Variants in RARB observed in about 807,000 individuals in gnomAD.
RARB encodes HBV-activated protein.
A neutral mutation model predicts 51.9 loss-of-function variants in RARB; 17 were observed. The ratio of observed to expected loss-of-function variants is 0.33; its 90% CI spans 0.22 to 0.49. The LOEUF (loss-of-function observed/expected upper bound fraction) is 0.49, where lower values mean the gene tolerates loss of function less well. Ranked by LOEUF, RARB falls within the 20% of genes least tolerant of loss-of-function variation. The pLI, the probability that RARB is intolerant of heterozygous loss-of-function variation, is 0.99. For synonymous variants in RARB, 215 were observed against 195.4 expected (o/e 1.10, Z -0.84); for missense variants, 369 against 550.8 (o/e 0.67, Z 3.30).
intron 2 of RARB, among the ~76,000 whole-genome samples, chr3:24,912,478 A>G (rs1454724099): frequency 1.3e-5 from 2 of 152,180 alleles, no homozygotes; most frequent in South Asian, 2.1e-4. Context: ...TCTTCCAGAT[A>G]TAAGATGAAT....
chr3:25,428,696 T>C lies in RARB; in HGVS notation c.-36T>C. 6.3e-7 allele frequency: 1 copy of C among 1,586,602 alleles called. No individual in the cohort carries two copies. Among genetic ancestry groups the C allele is most frequent in the Non-Finnish European group, 8.6e-7 (1 of 1,159,012 alleles). ...GCCATTTGCCTCCACACCTAGAGGA[T>C]AAGCACTTTTGCAGACATTCAGTGC... On this transcript the variant is annotated 5_prime_UTR_variant, in exon 1 of 8. It removes the in-frame stop codon of an upstream open reading frame in the 5' UTR. Transcript: ENST00000330688.
At chr3:25,424,414 C>T (rs1034665024), upstream of RARB, among the ~76,000 whole-genome samples, 3 of 152,220 alleles carry the variant, frequency 2.0e-5, no homozygotes, top group African/African-American at 4.8e-5. Context: ...AGTATGGAAG[C>T]CCTGGGAAGA....
intron 3 of RARB, among the ~76,000 whole-genome samples, chr3:25,121,796 C>G (rs1346154820): frequency 1.3e-5 from 2 of 152,254 alleles, no homozygotes; most frequent in East Asian, 1.9e-4. Flanking sequence ...ATCTATTGAA[C>G]AGTCAACTCC....
intron 5 of RARB, among the ~76,000 whole-genome samples, chr3:25,344,791 A>G (rs1318850992): frequency 6.6e-6 from 1 of 152,200 alleles, no homozygotes; most frequent in African/African-American, 2.4e-5. Flanking sequence ...CTATATAACT[A>G]TAAAAGCTTT....
At chr3:25,494,921 T>A (rs543420324) in intron 2 of RARB, among the ~76,000 whole-genome samples, 1 of 152,384 alleles carries the variant, frequency 6.6e-6, no homozygotes, top group South Asian at 2.1e-4. Context: ...GTGGCCAGAC[T>A]GTGCTAACAC....
At chr3:24,855,898 C>G (rs1702627852) in intron 1 of RARB, among the ~76,000 whole-genome samples, 1 of 151,886 alleles carries the variant, frequency 6.6e-6, no homozygotes, top group Non-Finnish European at 1.5e-5. Context: ...ACTACAGGCC[C>G]CCACCACCAC....
At position 24,953,748 on chromosome 3, in the gene RARB, C is replaced by T. The variant is rs151298025; in HGVS notation, c.-380+94996C>T. Among the ~76,000 whole-genome samples the T allele has an allele frequency of 4.2e-3, 632 of 152,212 alleles. 5 individuals are homozygous for T. Among genetic ancestry groups the T allele is most frequent in the African/African-American group, 0.014 (600 of 41,528 alleles). On this transcript the variant is annotated intron_variant, in intron 2 of 11. Transcript: ENST00000383772. ...CAAATCAAAAATAGAACTCTCTTTA[C>T]TCCCACCTCATATACGTTCCCCTAC...
chr3:25,565,929 A>G (rs1405908262), intron 3 of RARB, among the ~76,000 whole-genome samples: 1 of 152,072 alleles, frequency 6.6e-6, no homozygotes, highest in African/African-American at 2.4e-5. Flanking sequence ...TAAGTGGTGG[A>G]GCTAGCACTA....
intron 2 of RARB, among the ~76,000 whole-genome samples, chr3:24,921,272 A>G (rs940592561): frequency 6.6e-6 from 1 of 152,136 alleles, no homozygotes; most frequent in African/African-American, 2.4e-5. Context: ...ACTGTGCTAC[A>G]TACTTTTATT....
intron 2 of RARB, among the ~76,000 whole-genome samples, chr3:25,485,355 T>C (rs114460114): frequency 0.013 from 1,909 of 152,322 alleles, 43 homozygotes; most frequent in African/African-American, 0.043. Context: ...GAAAAACACA[T>C]TGAGTGGTTA....
chr3:25,260,603 CA>C (rs1702975161), intron 5 of RARB, among the ~76,000 whole-genome samples: 2 of 152,094 alleles, frequency 1.3e-5, no homozygotes, highest in Admixed American at 6.6e-5. Flanking sequence ...AACCCAACCC[CA>C]ACCCAGCTCT....
chr3:25,103,916 T>G (rs946850324), intron 3 of RARB, among the ~76,000 whole-genome samples: 1 of 152,164 alleles, frequency 6.6e-6, no homozygotes, highest in Non-Finnish European at 1.5e-5. Flanking sequence ...TGGAAGAGAT[T>G]GTGTGATTAT....
intron 2 of RARB, among the ~76,000 whole-genome samples, chr3:24,901,847 G>T (rs116266233): frequency 0.025 from 3,816 of 152,100 alleles, 79 homozygotes; most frequent in Middle Eastern, 0.075. Context: ...ACATCTTATT[G>T]AGCATTTACT....
intron 2 of RARB, among the ~76,000 whole-genome samples, chr3:24,997,376 T>C (rs1045239018): frequency 1.3e-5 from 2 of 152,022 alleles, no homozygotes; most frequent in Non-Finnish European, 1.5e-5. Flanking sequence ...CGGCCTCAAG[T>C]TGGGTCTTTT....
intron 5 of RARB, among the ~76,000 whole-genome samples, chr3:25,306,064 G>T (rs322688): frequency 1.4e-4 from 21 of 152,038 alleles, no homozygotes; most frequent in African/African-American, 5.1e-4. Flanking sequence ...CCTGTCCTCC[G>T]CTGTATTATA....
intron 3 of RARB, among the ~76,000 whole-genome samples, chr3:25,100,528 T>A (rs1043647800): frequency 4.6e-5 from 7 of 152,212 alleles, no homozygotes; most frequent in Admixed American, 3.9e-4. Context: ...GAGATCTGGT[T>A]CCTAAGAATA....
chr3:24,985,409 C>G (rs1696767115), intron 2 of RARB, among the ~76,000 whole-genome samples: 1 of 146,658 alleles, frequency 6.8e-6, no homozygotes, highest in Non-Finnish European at 1.5e-5. Context: ...TTGGGTTAAA[C>G]TAAACAGAAT....
At chr3:24,925,992 A>G (rs1034007288) in intron 2 of RARB, among the ~76,000 whole-genome samples, 1 of 152,126 alleles carries the variant, frequency 6.6e-6, no homozygotes, top group African/African-American at 2.4e-5. Context: ...CCTGTCTGTA[A>G]CAGAAGCACA....
intron 1 of RARB, among the ~76,000 whole-genome samples, chr3:25,446,088 T>C (rs1459189440): frequency 6.6e-6 from 1 of 152,210 alleles, no homozygotes; most frequent in Non-Finnish European, 1.5e-5. Flanking sequence ...CATATTGACC[T>C]CCCTAACTAA....
Sources: gnomAD v4.1 joint callset for allele counts (sites outside exome capture counted in the v4.1 genomes callset) on GRCh38, gnomAD v4.1.1 for gene constraint, MANE v1.5 for transcripts, NCBI Gene and HGNC (gene_info 2026-07-23, HGNC 2026-07-21) for gene names.